MIB1: variants seen among roughly 807,000 people sequenced by gnomAD.
MIB1 encodes the protein E3 ubiquitin-protein ligase MIB1.
A neutral mutation model predicts 124.5 loss-of-function variants in MIB1; 278 were observed. The ratio of observed to expected loss-of-function variants is 2.23; its 90% CI spans 2.02 to 2.47. The LOEUF (loss-of-function observed/expected upper bound fraction) is 2.47, where lower values mean the gene tolerates loss of function less well. MIB1 is among the 30% of genes most tolerant of loss of function. The pLI, the probability that MIB1 is intolerant of heterozygous loss-of-function variation, is 0.00. For missense variants in MIB1, 957 were observed against 1,254.4 expected (o/e 0.76, Z 3.58); for synonymous variants, 446 against 429.4 (o/e 1.04, Z -0.48).
intron 1 of MIB1, among the ~76,000 whole-genome samples, chr18:21,711,549 C>G (rs1051824859): frequency 2.0e-5 from 3 of 151,900 alleles, no homozygotes; most frequent in African/African-American, 7.3e-5. Flanking sequence ...TCCCAAAGTG[C>G]TGGGATTATA....
intron 1 of MIB1, among the ~76,000 whole-genome samples, chr18:21,749,641 C>CTTT (rs10653364): frequency 8.7e-6 from 1 of 114,584 alleles, no homozygotes; most frequent in African/African-American, 4.2e-5. Context: ...CTACCTTACT[C>CTTT]TTTTTTTTTT....
intron 18 of MIB1, among the ~76,000 whole-genome samples, chr18:21,855,959 G>A (rs1345094610): frequency 3.9e-5 from 6 of 152,244 alleles, no homozygotes; most frequent in Middle Eastern, 3.4e-3. Context: ...GGCCGGGCGC[G>A]GTGGCTCACG....
rs72886651 is a variant in MIB1 at position 21,768,594 on chromosome 18, A to C, written c.402-29A>C. On this transcript the variant is annotated intron_variant, in intron 2 of 20. Coordinates refer to ENST00000261537, the MANE Select transcript of MIB1 (RefSeq NM_020774.4). Reference sequence around the variant, plus strand: ...AATTATTGTTACCTATTTTTATATAAACTTGAAAATAAATAATTTTATTTT... The same window carrying C: ...AATTATTGTTACCTATTTTTATATACACTTGAAAATAAATAATTTTATTTT... 5.2e-3 allele frequency: 7,453 copies of C among 1,440,142 alleles called. 23 individuals carry two copies. Among genetic ancestry groups the C allele is most frequent in the Non-Finnish European group, 6.4e-3 (6,793 of 1,069,754 alleles). The allele number at this position is 1,440,142 out of a possible 1,614,324, so 89.2% of individuals were successfully genotyped here.
chr18:21,869,691 A>G lies in MIB1; in HGVS notation c.*5025A>G, dbSNP rs1029745725. On this transcript the variant is annotated 3_prime_UTR_variant, in exon 21 of 21. Coordinates refer to ENST00000261537, the MANE Select transcript of MIB1 (RefSeq NM_020774.4). Reference sequence around the variant, plus strand: ...ATTAAGTTATTATGCAAAGTCATCTATAAGTAGCATCTGGGAAGAGGAGAT... The same window carrying G: ...ATTAAGTTATTATGCAAAGTCATCTGTAAGTAGCATCTGGGAAGAGGAGAT... The G allele has an allele frequency of 1.3e-5, 2 of 152,470 alleles. No homozygotes were observed. Among genetic ancestry groups the G allele is most frequent in the Admixed American group, 6.6e-5 (1 of 15,256 alleles). 9.4% of individuals were successfully genotyped at this position (152,470 alleles called of 1,614,324 possible). A position where few individuals can be genotyped will look rare whatever the true frequency, so the allele number is the denominator to read the frequency against.
chr18:21,813,727 A>G (rs73963255), intron 10 of MIB1, among the ~76,000 whole-genome samples: 4,743 of 152,280 alleles, frequency 0.031, 250 homozygotes, highest in African/African-American at 0.11. Flanking sequence ...AACAGTGTTT[A>G]TCTGTGCTTT....
At chr18:21,860,445 C>T (rs1323966757) in intron 20 of MIB1, among the ~76,000 whole-genome samples, 3 of 151,944 alleles carry the variant, frequency 2.0e-5, no homozygotes, top group Non-Finnish European at 4.4e-5. Context: ...TCTTTTATTT[C>T]TACCTAATAT....
At chr18:21,816,119 G>C (rs2041828091) in intron 11 of MIB1, among the ~76,000 whole-genome samples, 1 of 152,140 alleles carries the variant, frequency 6.6e-6, no homozygotes, top group South Asian at 2.1e-4. Context: ...GCTTAAAGAA[G>C]TGTAATAGGC....
intron 11 of MIB1, among the ~76,000 whole-genome samples, chr18:21,816,554 GA>G (rs1181109674): frequency 1.3e-5 from 2 of 152,132 alleles, no homozygotes; most frequent in African/African-American, 4.8e-5. Flanking sequence ...AGTGTTCCCT[GA>G]AATACTATTT....
chr18:21,815,692 G>T lies in MIB1; in HGVS notation c.1556G>T (p.Gly519Val). ...EGAVIEVLHR[G>V]SADLNARNKR... The stretch of plus-strand genomic sequence containing the variant: ...GCTGTTATAGAAGTACTACATCGAG[G>T]TAGTGCTGATTTGAATGCTCGAAAC... The change falls in exon 11 of 21, where the codon GGT (glycine) becomes GTT (valine). Residue 519 changes from glycine to valine, a missense_variant. Gly to Val is a moderately radical substitution (Grantham distance 109). Transcript: ENST00000261537. 6.2e-7 allele frequency: 1 copy of T among 1,614,136 alleles called. No individual in the cohort carries two copies. Among genetic ancestry groups the T allele is most frequent in the Non-Finnish European group, 8.5e-7 (1 of 1,180,008 alleles).
At chr18:21,708,792 C>A (rs1568173178) in intron 1 of MIB1, among the ~76,000 whole-genome samples, 1 of 152,126 alleles carries the variant, frequency 6.6e-6, no homozygotes, top group African/African-American at 2.4e-5. Flanking sequence ...CATAATAATA[C>A]TTAGAGTCTA....
At chr18:21,786,559 C>T (rs2155983) in intron 6 of MIB1, among the ~76,000 whole-genome samples, 80 of 151,780 alleles carry the variant, frequency 5.3e-4, no homozygotes, top group African/African-American at 1.8e-3. Flanking sequence ...TCTCAACTCT[C>T]TCTTGAATGC....
In MIB1 at chr18:21,799,868, T is replaced by A; in HGVS notation, c.1265T>A (p.Leu422Ter). 6.2e-7 allele frequency: 1 copy of A among 1,611,410 alleles called. No homozygotes were observed. ...AGACTCTCACAACTCCTGAAGAAATTATTTGAAACCCAAGAATCTGGTGAC... is the reference window on the plus strand; with the variant it reads ...AGACTCTCACAACTCCTGAAGAAATAATTTGAAACCCAAGAATCTGGTGAC... Reference protein sequence around the residue: ...GERLSQLLKKLFETQESGDLN... With the variant: ...GERLSQLLKK The change falls in exon 9 of 21, where the codon TTA becomes TAA. Residue 422 changes from leucine (L) to a stop codon, truncating the protein, a stop_gained. Transcript: ENST00000261537. LOFTEE classifies it high-confidence loss of function.
chr18:21,710,561 G>C (rs2146352024), intron 1 of MIB1, among the ~76,000 whole-genome samples: 1 of 152,184 alleles, frequency 6.6e-6, no homozygotes, highest in East Asian at 1.9e-4. Context: ...ACCAGCCTGG[G>C]CAATATACTG....
chr18:21,766,138 T>G (rs2041155872), intron 2 of MIB1, among the ~76,000 whole-genome samples, 195 bp downstream of exon 2: 1 of 152,228 alleles, frequency 6.6e-6, no homozygotes, highest in Non-Finnish European at 1.5e-5. Flanking sequence ...TGGAGCTGTC[T>G]GTACTTTTCC....
rs953300081 is a variant in MIB1 at position 21,853,157 on chromosome 18, A to G, written c.2604A>G (p.Val868=). Residue 868 remains valine (V), a synonymous_variant, in exon 18 of 21, where the codon GTA becomes GTG. Coordinates refer to ENST00000261537, the MANE Select transcript of MIB1 (RefSeq NM_020774.4). ...QSRTKIEECV[V]CSDKKAAVLF... ...TTCTATAGATTGAAGAATGTGTGGT[A>G]TGCTCTGACAAGAAAGCAGCTGTTC... 1.2e-6 allele frequency: 2 copies of G among 1,612,890 alleles called. No individual in the cohort carries two copies. Among genetic ancestry groups the G allele is most frequent in the African/African-American group, 1.3e-5 (1 of 74,920 alleles).
chr18:21,855,283 C>T (rs1052928625), intron 18 of MIB1, among the ~76,000 whole-genome samples: 4 of 152,196 alleles, frequency 2.6e-5, no homozygotes, highest in Non-Finnish European at 4.4e-5. Flanking sequence ...GTACCCCCAT[C>T]GCAGTCATGT....
intron 9 of MIB1, among the ~76,000 whole-genome samples, chr18:21,802,162 C>A (rs557975515): frequency 6.6e-6 from 1 of 152,176 alleles, no homozygotes; most frequent in Admixed American, 6.5e-5. Context: ...CCTGATCTTA[C>A]ATGTACGCTG....
At chr18:21,752,735 AAACAAAAAAC>A (rs1239208212) in intron 1 of MIB1, among the ~76,000 whole-genome samples, 10 of 152,182 alleles carry the variant, frequency 6.6e-5, no homozygotes, top group Non-Finnish European at 1.2e-4. Context: ...GTAAATTAAA[AAACAAAAAAC>A]AACAAAAAAC....
chr18:21,778,057 T>C (rs778191320), intron 4 of MIB1, 46 bp from the exon 5 acceptor site: 1 of 1,274,934 alleles, frequency 7.8e-7, no homozygotes, highest in Non-Finnish European at 1.1e-6. Flanking sequence ...TACTGAGCCA[T>C]ATTTGAAGTT....
Sources: allele counts gnomAD v4.1 joint callset (sites outside exome capture counted in the v4.1 genomes callset), GRCh38; gene constraint gnomAD v4.1.1; transcripts MANE v1.5; gene names NCBI Gene and HGNC (gene_info 2026-07-23, HGNC 2026-07-21).